The following RALGAPA2 variants were observed in gnomAD, a reference collection of about 807,000 sequenced individuals.
The protein encoded by RALGAPA2 is Ral GTPase activating protein catalytic subunit alpha 2, also known as ral GTPase-activating protein subunit alpha-2.
A neutral mutation model predicts 230.4 loss-of-function variants in RALGAPA2; 139 were observed. The observed-to-expected ratio is 0.60, with a 90% CI of 0.53 to 0.69. The LOEUF is 0.69. Among genes scored for constraint, RALGAPA2 ranks in the 30% least tolerant of loss-of-function variants. The pLI is 0.00. For missense variants in RALGAPA2, 2,163 were observed against 2,276.0 expected, an observed-to-expected ratio of 0.95 and a Z score of 1.01; for synonymous variants, 847 against 837.8, an observed-to-expected ratio of 1.01 and a Z score of -0.19.
At chr20:20,427,844 G>A (rs1407023101) in intron 37 of RALGAPA2, among the ~76,000 whole-genome samples, 2 of 151,576 alleles carry the variant, frequency 1.3e-5, no homozygotes, top group South Asian at 4.2e-4. Context: ...ATCATCAAGT[G>A]CAGAGCAGAT....
At chr20:20,400,102 G>A (rs928982061) in intron 38 of RALGAPA2, among the ~76,000 whole-genome samples, 3 of 152,214 alleles carry the variant, frequency 2.0e-5, no homozygotes, top group African/African-American at 7.2e-5. Flanking sequence ...GGGCTATTCA[G>A]ACCCCTTGGA....
At chr20:20,649,288 C>G (rs1216642570) in intron 4 of RALGAPA2, among the ~76,000 whole-genome samples, 1 of 152,180 alleles carries the variant, frequency 6.6e-6, no homozygotes, top group African/African-American at 2.4e-5. Context: ...GCAGGGAAAG[C>G]TGCCAGACTC....
intron 34 of RALGAPA2, among the ~76,000 whole-genome samples, chr20:20,504,655 G>A (rs918341761): frequency 6.6e-6 from 1 of 152,086 alleles, no homozygotes; most frequent in African/African-American, 2.4e-5. Flanking sequence ...GAACCCGGGA[G>A]GTGGAGGTTG....
chr20:20,533,867 A>G (rs569860581), intron 26 of RALGAPA2, among the ~76,000 whole-genome samples: 1 of 152,324 alleles, frequency 6.6e-6, no homozygotes, highest in South Asian at 2.1e-4. Flanking sequence ...CAATAAAAAT[A>G]TAGTCTTAAA....
intron 2 of RALGAPA2, among the ~76,000 whole-genome samples, chr20:20,676,524 T>C (rs2068329552): frequency 6.6e-6 from 1 of 150,986 alleles, no homozygotes; most frequent in East Asian, 2.0e-4. Flanking sequence ...ACAGCTTCCA[T>C]GTTTTCCAAC....
rs1308868125 is a variant in RALGAPA2, at chr20:20,563,984, T to C, written c.3156+7474A>G. Among the ~76,000 whole-genome samples, 3 of 152,304 alleles carry C rather than the reference T, an allele frequency of 2.0e-5. No homozygotes were observed. The East Asian group carries it at 5.8e-4, about 29-fold the overall frequency. ...TTACCTTGCCCCTGGGCTATTATAATAATTTCCTTTCTGTGTTTGTTGTCA... is the reference window on the plus strand; with the variant it reads ...TTACCTTGCCCCTGGGCTATTATAACAATTTCCTTTCTGTGTTTGTTGTCA... On this transcript the variant is annotated intron_variant, in intron 23 of 39. Coordinates refer to ENST00000202677, the MANE Select transcript of RALGAPA2 (RefSeq NM_020343.4).
chr20:20,427,426 A>C (rs1408186212), intron 37 of RALGAPA2, among the ~76,000 whole-genome samples: 1 of 151,968 alleles, frequency 6.6e-6, no homozygotes, highest in Non-Finnish European at 1.5e-5. Context: ...CGTCTGCAGC[A>C]CAGCACATCA....
chr20:20,514,238 G>A (rs1425143154), intron 31 of RALGAPA2, among the ~76,000 whole-genome samples: 1 of 151,980 alleles, frequency 6.6e-6, no homozygotes, highest in Admixed American at 6.5e-5. Context: ...CATAGATTGT[G>A]GTGCAACAGG....
chr20:20,712,272 C>T lies in RALGAPA2; in HGVS notation c.106+103G>A. The T allele has an allele frequency of 1.1e-6, 1 of 934,454 alleles. No individual in the cohort carries two copies. Among genetic ancestry groups the T allele is most frequent in the Non-Finnish European group, 1.5e-6 (1 of 664,438 alleles). 57.9% of individuals were successfully genotyped at this position (934,454 alleles called of 1,614,324 possible). ...AAGGGGGTCGGACGCCCACCCATCC[C>T]CCTCCCCAGCCTCCCAGCCACCGAC... On this transcript the variant is annotated intron_variant, in intron 1 of 39. Transcript: ENST00000202677. The surrounding 1 kb of genome is among the most constrained non-coding windows in gnomAD (Gnocchi z 5.5).
chr20:20,684,486 A>G (rs1688564214), intron 1 of RALGAPA2, among the ~76,000 whole-genome samples: 1 of 152,136 alleles, frequency 6.6e-6, no homozygotes, highest in Non-Finnish European at 1.5e-5. Flanking sequence ...TCCAGGTAAC[A>G]ACCACCTTTA....
intron 1 of RALGAPA2, among the ~76,000 whole-genome samples, chr20:20,707,700 C>T (rs751442300): frequency 6.6e-6 from 1 of 152,122 alleles, no homozygotes. Flanking sequence ...GGTCCAAACC[C>T]AGGTCACTTG....
chr20:20,508,621 C>CTA (rs1556240675), intron 33 of RALGAPA2, among the ~76,000 whole-genome samples: 1 of 152,170 alleles, frequency 6.6e-6, no homozygotes, highest in Non-Finnish European at 1.5e-5. Context: ...TAAGAAGGAA[C>CTA]TATACATCAA....
At chr20:20,680,927 A>C (rs1387386260) in intron 1 of RALGAPA2, 126 bp from the exon 2 acceptor site, 2 of 1,421,398 alleles carry the variant, frequency 1.4e-6, no homozygotes, top group Non-Finnish European at 1.8e-6. Context: ...ATACAAAACA[A>C]AACAGTATTC....
intron 30 of RALGAPA2, among the ~76,000 whole-genome samples, chr20:20,521,476 A>G (rs1249083631): frequency 1.3e-5 from 2 of 152,140 alleles, no homozygotes; most frequent in Non-Finnish European, 2.9e-5. Flanking sequence ...CACAACAAGC[A>G]GAGACCATTA....
chr20:20,534,166 T>C (rs1371337071), intron 26 of RALGAPA2, among the ~76,000 whole-genome samples: 2 of 152,120 alleles, frequency 1.3e-5, no homozygotes, highest in Non-Finnish European at 2.9e-5. Flanking sequence ...TAGAGATGGC[T>C]GGGCGCAGTA....
At chr20:20,705,140 A>T (rs2147014148) in intron 1 of RALGAPA2, among the ~76,000 whole-genome samples, 1 of 152,352 alleles carries the variant, frequency 6.6e-6, no homozygotes, top group South Asian at 2.1e-4. Flanking sequence ...TGCCTTATTA[A>T]CATCCAAACA....
At chr20:20,452,617 G>C (rs1279563635) in intron 37 of RALGAPA2, among the ~76,000 whole-genome samples, 6 of 151,928 alleles carry the variant, frequency 3.9e-5, no homozygotes, top group Admixed American at 3.9e-4. Flanking sequence ...ACGGCCCAGC[G>C]AGGAGCGTGG....
At chr20:20,499,113 AG>A (rs2062297341) in intron 35 of RALGAPA2, among the ~76,000 whole-genome samples, 1 of 152,222 alleles carries the variant, frequency 6.6e-6, no homozygotes, top group Non-Finnish European at 1.5e-5. Flanking sequence ...GAATAAGACA[AG>A]GAACTGTGGG....
At chr20:20,608,237 C>T (rs1056407702) in intron 14 of RALGAPA2, among the ~76,000 whole-genome samples, 2 of 152,138 alleles carry the variant, frequency 1.3e-5, no homozygotes, top group South Asian at 2.1e-4. Flanking sequence ...CCAACCACTT[C>T]CTACTTCACT....
Sources: gnomAD v4.1 joint callset for allele counts (sites outside exome capture counted in the v4.1 genomes callset) on GRCh38, gnomAD v4.1.1 for gene constraint, Gnocchi (gnomAD v3.1) non-coding constraint, MANE v1.5 for transcripts, NCBI Gene and HGNC (gene_info 2026-07-23, HGNC 2026-07-21) for gene names.